Variants in DNAH3 observed in about 807,000 individuals in gnomAD.
DNAH3 encodes axonemal beta dynein heavy chain 3.
In DNAH3, 332 loss-of-function variants were observed where a neutral mutation model predicts 432.5. That is an observed-to-expected ratio of 0.77 (90% CI 0.70 to 0.84). The LOEUF is 0.84. Ranked by LOEUF, DNAH3 falls within the 40% of genes least tolerant of loss-of-function variation. The probability of loss-of-function intolerance (pLI) is 0.00; values close to 1 mark genes in which losing one functional copy is unlikely to be tolerated. For missense variants in DNAH3, 4,861 were observed against 5,114.0 expected, an observed-to-expected ratio of 0.95 and a Z score of 1.51; for synonymous variants, 1,956 against 1,900.2, an observed-to-expected ratio of 1.03 and a Z score of -0.76.
intron 12 of DNAH3, among the ~76,000 whole-genome samples, chr16:21,112,410 T>C (rs2092096810): frequency 6.6e-6 from 1 of 152,132 alleles, no homozygotes. Flanking sequence ...AGAGGTTTAA[T>C]TGGACTTACA....
intron 44 of DNAH3, among the ~76,000 whole-genome samples, chr16:20,996,317 G>A (rs1326964981): frequency 1.3e-5 from 2 of 151,238 alleles, no homozygotes; most frequent in African/African-American, 2.4e-5. Flanking sequence ...TAAATTATAT[G>A]TTGTTGATCT....
At chr16:21,127,898 C>T (rs1037398185) in intron 7 of DNAH3, 86 bp from the exon 9 acceptor site, 12 of 1,498,372 alleles carry the variant, frequency 8.0e-6, no homozygotes, top group Non-Finnish European at 6.4e-6. Context: ...TGTGTGTTCA[C>T]GTTTCTCAAT....
At chr16:21,127,008 T>G (rs2092457764) in intron 8 of DNAH3, among the ~76,000 whole-genome samples, 1 of 151,922 alleles carries the variant, frequency 6.6e-6, no homozygotes, top group Non-Finnish European at 1.5e-5. Context: ...TACAATGTAA[T>G]CATAAAAATA....
exon 21 of DNAH3, chr16:21,075,475 G>A (rs1051092511): frequency 1.4e-5 from 23 of 1,614,034 alleles, no homozygotes; most frequent in African/African-American, 8.0e-5. Context: ...GAAGCTGAAC[G>A]TCACGTTAAC....
chr16:21,145,481 G>A, intron 2 of DNAH3, 75 bp from the exon 4 acceptor site: 1 of 1,333,998 alleles, frequency 7.5e-7, no homozygotes, highest in Non-Finnish European at 1.1e-6. Flanking sequence ...CTCACACTGA[G>A]GCTCACAAGA....
Position 21,000,294 on chromosome 16 carries a change from C to T in DNAH3, c.6351G>A (p.Met2117Ile), listed in dbSNP as rs141765677. The change falls in exon 43 of 62, where the codon ATG (methionine) becomes ATA (isoleucine). Residue 2117 changes from methionine (M) to isoleucine (I), a missense_variant. Met to Ile is a conservative substitution (Grantham distance 10). Coordinates refer to ENST00000261383, the Ensembl canonical transcript of DNAH3. Reference sequence around the variant, plus strand: ...CCTTCCGTCGTCGATCCAGCTTGGACATGATGATATCCTGGGTCTGATTGG... The same window carrying T: ...CCTTCCGTCGTCGATCCAGCTTGGATATGATGATATCCTGGGTCTGATTGG... 1.9e-6 allele frequency: 3 copies of T among 1,614,018 alleles called. No individual in the cohort carries two copies. The African/African-American group carries it at 4.0e-5, about 22-fold the overall frequency.
At chr16:21,157,858 CG>C (rs1052374995) in intron 1 of DNAH3, among the ~76,000 whole-genome samples, 4 of 146,466 alleles carry the variant, frequency 2.7e-5, no homozygotes, top group African/African-American at 1.0e-4. Context: ...GTTCTCACCT[CG>C]GGACGATGGG....
chr16:21,075,591 C>A (rs1020817237), intron 20 of DNAH3, 30 bp from the exon 21 acceptor site: 3 of 1,523,212 alleles, frequency 2.0e-6, no homozygotes, highest in Admixed American at 3.3e-5. Context: ...ACAGCAACAT[C>A]AACAGGAGGC....
chr16:20,983,127 ATTTTTT>A (rs1336392480), intron 48 of DNAH3, among the ~76,000 whole-genome samples: 1 of 151,872 alleles, frequency 6.6e-6, no homozygotes, highest in Non-Finnish European at 1.5e-5. Context: ...AAAAATTTTA[ATTTTTT>A]ATTTTTTATT....
intron 12 of DNAH3, among the ~76,000 whole-genome samples, chr16:21,112,949 C>T (rs1006062651): frequency 2.6e-5 from 4 of 152,130 alleles, no homozygotes; most frequent in Admixed American, 6.6e-5. Flanking sequence ...AATACCTGTA[C>T]CCCCATTGTA....
At chr16:21,103,357 G>A (rs550962655) in intron 16 of DNAH3, among the ~76,000 whole-genome samples, 1 of 151,236 alleles carries the variant, frequency 6.6e-6, no homozygotes, top group African/African-American at 2.4e-5. Context: ...GTGTGTGTGG[G>A]GGGGGGCAGG....
exon 34 of DNAH3, chr16:21,037,901 G>A (rs771301668): frequency 1.2e-5 from 20 of 1,614,136 alleles, no homozygotes; most frequent in Non-Finnish European, 1.4e-5. Flanking sequence ...TTGACAGCGC[G>A]CATACCGTAG....
At chr16:21,025,118 G>A (rs1162622633) in intron 38 of DNAH3, among the ~76,000 whole-genome samples, 7 of 151,862 alleles carry the variant, frequency 4.6e-5, no homozygotes, top group Admixed American at 2.6e-4. Context: ...GTAGAGATGG[G>A]GTTTTGTCTT....
intron 48 of DNAH3, among the ~76,000 whole-genome samples, chr16:20,984,412 G>C (rs1467143273): frequency 6.6e-6 from 1 of 152,112 alleles, no homozygotes; most frequent in Non-Finnish European, 1.5e-5. Flanking sequence ...GAGACAGCTG[G>C]AGGTAACAGA....
intron 17 of DNAH3, 21 bp from the exon 18 acceptor site, chr16:21,097,520 C>G (rs1393618435): frequency 6.2e-7 from 1 of 1,610,792 alleles, no homozygotes; most frequent in Non-Finnish European, 8.5e-7. Flanking sequence ...AAAGGAGATG[C>G]TGTTTATGGG....
At chr16:20,970,318 G>A (rs1465195214) in intron 51 of DNAH3, among the ~76,000 whole-genome samples, 1 of 152,210 alleles carries the variant, frequency 6.6e-6, no homozygotes, top group Non-Finnish European at 1.5e-5. Flanking sequence ...GAGGTCAGGA[G>A]TTCCAGACCA....
chr16:20,949,461 TGTTA>T (rs921828873), intron 56 of DNAH3, among the ~76,000 whole-genome samples: 1 of 152,198 alleles, frequency 6.6e-6, no homozygotes, highest in African/African-American at 2.4e-5. Context: ...TTACTGTTGT[TGTTA>T]ATCTCTCGCT....
chr16:20,997,200 G>T, intron 44 of DNAH3, 83 bp downstream of exon 44: 1 of 1,444,996 alleles, frequency 6.9e-7, no homozygotes, highest in South Asian at 1.3e-5. Flanking sequence ...ACAGACTGTG[G>T]CACACCAACC....
intron 18 of DNAH3, among the ~76,000 whole-genome samples, chr16:21,091,224 A>G (rs1268749525): frequency 1.3e-5 from 2 of 151,984 alleles, no homozygotes; most frequent in African/African-American, 4.8e-5. Context: ...TTATCATCAG[A>G]AAAAAAATGA....
Sources: allele counts gnomAD v4.1 joint callset (sites outside exome capture counted in the v4.1 genomes callset), GRCh38; gene constraint gnomAD v4.1.1; transcripts MANE v1.5; gene names NCBI Gene and HGNC (gene_info 2026-07-23, HGNC 2026-07-21).